The following CDH11 variants were observed in gnomAD, a reference collection of about 807,000 sequenced individuals.
CDH11 encodes cadherin 11.
In CDH11, 11 loss-of-function variants were observed where a neutral mutation model predicts 67.8. That is an observed-to-expected ratio of 0.16 (90% confidence interval 0.10 to 0.27). The LOEUF (loss-of-function observed/expected upper bound fraction) is 0.27, where lower values mean the gene tolerates loss of function less well. CDH11 is among the 10% of genes least tolerant of loss of function. The probability of loss-of-function intolerance (pLI) is 1.00; values close to 1 mark genes in which losing one functional copy is unlikely to be tolerated. For synonymous variants in CDH11, 419 were observed against 400.0 expected, an observed-to-expected ratio of 1.05 and a Z score of -0.57; for missense variants, 847 against 1,031.2, an observed-to-expected ratio of 0.82 and a Z score of 2.45.
chr16:65,103,523 T>G (rs1408864694), intron 1 of CDH11, among the ~76,000 whole-genome samples: 2 of 152,218 alleles, frequency 1.3e-5, no homozygotes, highest in Non-Finnish European at 2.9e-5. Flanking sequence ...AAGCATGTTA[T>G]GTAATCCGAT....
intron 1 of CDH11, among the ~76,000 whole-genome samples, chr16:65,077,814 C>G (rs2074540094): frequency 6.6e-6 from 1 of 152,200 alleles, no homozygotes; most frequent in African/African-American, 2.4e-5. Flanking sequence ...CTGTTCATCT[C>G]TAAGACTTTG....
intron 1 of CDH11, among the ~76,000 whole-genome samples, chr16:65,113,405 T>G (rs895049440): frequency 6.6e-6 from 1 of 152,202 alleles, no homozygotes; most frequent in African/African-American, 2.4e-5. Flanking sequence ...GGGCAAGTCC[T>G]GGTTCCTCTC....
At chr16:65,060,560 A>C (rs2074221898) in intron 1 of CDH11, among the ~76,000 whole-genome samples, 1 of 152,192 alleles carries the variant, frequency 6.6e-6, no homozygotes, top group Non-Finnish European at 1.5e-5. Context: ...AAGGATGCCC[A>C]TATGGTCAGT....
intron 2 of CDH11, among the ~76,000 whole-genome samples, chr16:65,020,706 T>C (rs1029370023): frequency 2.6e-5 from 4 of 152,204 alleles, no homozygotes; most frequent in Non-Finnish European, 4.4e-5. Context: ...ATAATTTCCA[T>C]TTTTTCCAAT....
intron 1 of CDH11, among the ~76,000 whole-genome samples, chr16:65,119,366 C>A (rs1029853828): frequency 6.6e-6 from 1 of 152,026 alleles, no homozygotes; most frequent in Non-Finnish European, 1.5e-5. Flanking sequence ...AAAAAAATTG[C>A]GCCATAACTA....
intron 1 of CDH11, among the ~76,000 whole-genome samples, chr16:65,075,396 T>A (rs2074491767): frequency 6.6e-6 from 1 of 152,184 alleles, no homozygotes; most frequent in South Asian, 2.1e-4. Context: ...GCTCTCTTCA[T>A]CAAATCCTAC....
At chr16:65,025,395 G>T (rs372045372) in intron 2 of CDH11, among the ~76,000 whole-genome samples, 1 of 152,136 alleles carries the variant, frequency 6.6e-6, no homozygotes, top group East Asian at 1.9e-4. Flanking sequence ...GGAGTGCAGT[G>T]GCGCGATCTT....
intron 12 of CDH11, among the ~76,000 whole-genome samples, chr16:64,949,376 G>A (rs866165639): frequency 2.3e-4 from 34 of 151,086 alleles, no homozygotes; most frequent in African/African-American, 7.8e-4. Context: ...ACATCCTCCA[G>A]GAAGATTTCT....
intron 2 of CDH11, among the ~76,000 whole-genome samples, chr16:65,020,512 A>C (rs1597100547): frequency 6.6e-6 from 1 of 152,090 alleles, no homozygotes; most frequent in Admixed American, 6.5e-5. Context: ...TGTATTTTTA[A>C]TAGATATGGG....
At chr16:65,079,530 A>T (rs2142794400) in intron 1 of CDH11, among the ~76,000 whole-genome samples, 1 of 152,300 alleles carries the variant, frequency 6.6e-6, no homozygotes, top group African/African-American at 2.4e-5. Flanking sequence ...TGCGTGTTCC[A>T]ATCAGCATTC....
upstream of CDH11, chr16:65,123,606 C>G (rs2142910971): frequency 6.6e-6 from 1 of 152,338 alleles, no homozygotes; most frequent in South Asian, 2.1e-4. Context: ...CGCAGCCGCC[C>G]GGGTTTCCAC....
At chr16:64,963,928 G>T (rs2142404043) in intron 11 of CDH11, among the ~76,000 whole-genome samples, 1 of 152,300 alleles carries the variant, frequency 6.6e-6, no homozygotes, top group Non-Finnish European at 1.5e-5. Context: ...ATTGTTGCCA[G>T]TAGGCCTGCC....
chr16:65,102,693 T>A (rs2075012313), intron 1 of CDH11, among the ~76,000 whole-genome samples: 1 of 152,210 alleles, frequency 6.6e-6, no homozygotes, highest in South Asian at 2.1e-4. Context: ...GGGCCATGTG[T>A]TAGAGACACT....
chr16:65,108,735 T>A (rs1478487279), intron 1 of CDH11, among the ~76,000 whole-genome samples: 1 of 152,084 alleles, frequency 6.6e-6, no homozygotes, highest in African/African-American at 2.4e-5. Context: ...CAATTGAAAG[T>A]TGATTACTAG....
intron 12 of CDH11, 44 bp downstream of exon 12, chr16:64,950,723 C>T (rs762014357): frequency 2.5e-6 from 4 of 1,597,512 alleles, no homozygotes; most frequent in African/African-American, 2.7e-5. Context: ...GAGGGGCATC[C>T]GGTTGCCTGG....
At chr16:65,067,828 A>G (rs1209432623) in intron 1 of CDH11, among the ~76,000 whole-genome samples, 1 of 135,606 alleles carries the variant, frequency 7.4e-6, no homozygotes, top group Admixed American at 7.2e-5. Context: ...GGGAGAGAGA[A>G]AGGAACAGAG....
chr16:65,037,572 A>ACACTG (rs1306691754), intron 2 of CDH11, among the ~76,000 whole-genome samples: 1 of 152,170 alleles, frequency 6.6e-6, no homozygotes, highest in Non-Finnish European at 1.5e-5. Context: ...TCTGGTGTAG[A>ACACTG]CACTGATTAT....
chr16:64,962,608 T>C (rs1470089491), intron 11 of CDH11, among the ~76,000 whole-genome samples: 2 of 152,132 alleles, frequency 1.3e-5, no homozygotes, highest in Non-Finnish European at 2.9e-5. Flanking sequence ...ACTTGTGTGA[T>C]TTTTACCTCC....
chr16:65,033,162 C>A (rs1164286907), intron 2 of CDH11, among the ~76,000 whole-genome samples: 1 of 151,938 alleles, frequency 6.6e-6, no homozygotes, highest in Non-Finnish European at 1.5e-5. Flanking sequence ...AAGTGATACA[C>A]CCTGGTTAAC....
Sources: gnomAD v4.1 joint callset for allele counts (sites outside exome capture counted in the v4.1 genomes callset) on GRCh38, gnomAD v4.1.1 for gene constraint, MANE v1.5 for transcripts, NCBI Gene and HGNC (gene_info 2026-07-23, HGNC 2026-07-21) for gene names.